TMEM163: variants seen among roughly 807,000 people sequenced by gnomAD.
TMEM163 encodes transmembrane protein 163.
TMEM163 carries 17 observed loss-of-function variants against 29.3 expected under a neutral mutation model. The ratio of observed to expected loss-of-function variants is 0.58; its 90% CI spans 0.40 to 0.87. The LOEUF is 0.87. Among genes scored for constraint, TMEM163 ranks in the 40% least tolerant of loss-of-function variants. TMEM163 has a pLI of 0.00. For synonymous variants in TMEM163, 157 were observed against 160.6 expected (o/e 0.98, Z 0.17); for missense variants, 303 against 381.5 (o/e 0.79, Z 1.71).
chr2:134,545,833 C>T (rs1680769862), intron 4 of TMEM163, among the ~76,000 whole-genome samples: 1 of 152,200 alleles, frequency 6.6e-6, no homozygotes, highest in African/African-American at 2.4e-5. Flanking sequence ...CCAACAATTA[C>T]TGACCTATCA....
chr2:134,713,182 G>A lies in TMEM163; in HGVS notation c.322+18C>T, dbSNP rs748177307. 9.3e-6 allele frequency: 15 copies of A among 1,610,334 alleles called. No individual in the cohort carries two copies. Among genetic ancestry groups the A allele is most frequent in the South Asian group, 4.4e-5 (4 of 90,336 alleles). ...GCAACAGCAGCACATATTGGCCGACGAGACCCTTGATACTCACTAAAGGCA... is the reference window on the plus strand; with the variant it reads ...GCAACAGCAGCACATATTGGCCGACAAGACCCTTGATACTCACTAAAGGCA... On this transcript the variant is annotated intron_variant, in intron 2 of 7. Transcript: ENST00000281924.
intron 2 of TMEM163, among the ~76,000 whole-genome samples, chr2:134,700,912 A>AAATG (rs1298831138): frequency 0.011 from 1,194 of 109,656 alleles, 21 homozygotes; most frequent in African/African-American, 0.041. Context: ...GAAAATACAT[A>AAATG]AATAAATAAA....
intron 2 of TMEM163, among the ~76,000 whole-genome samples, chr2:134,554,643 G>C (rs778303465): frequency 2.3e-4 from 35 of 152,104 alleles, no homozygotes; most frequent in Non-Finnish European, 5.0e-4. Flanking sequence ...ATTATATTGA[G>C]AAAGACAAGG....
chr2:134,668,461 C>T (rs1224166451), intron 2 of TMEM163, among the ~76,000 whole-genome samples: 1 of 152,108 alleles, frequency 6.6e-6, no homozygotes, highest in Non-Finnish European at 1.5e-5. Context: ...GAGAGCCAGT[C>T]CTCACTTTTA....
In TMEM163 at chr2:134,456,568, C is replaced by T. The variant is rs542549492; in HGVS notation, c.*148G>A. 7 of 912,648 alleles carry T rather than the reference C, an allele frequency of 7.7e-6. No homozygotes were observed. The highest frequency in any genetic ancestry group is 1.2e-5 in the Non-Finnish European group (7 of 587,788). 56.5% of individuals were successfully genotyped at this position (912,648 alleles called of 1,614,324 possible). On this transcript the variant is annotated 3_prime_UTR_variant, in exon 8 of 8. Transcript: ENST00000281924. ...GCAGGTGATGGGGGCAAGGTAGATCCACCTGGCTGGGCAGACCTTGTCTTG... is the reference window on the plus strand; with the variant it reads ...GCAGGTGATGGGGGCAAGGTAGATCTACCTGGCTGGGCAGACCTTGTCTTG...
At chr2:134,544,344 T>G (rs1680735508) in intron 4 of TMEM163, among the ~76,000 whole-genome samples, 1 of 152,216 alleles carries the variant, frequency 6.6e-6, no homozygotes, top group South Asian at 2.1e-4. Flanking sequence ...CAGTATCCAC[T>G]CTTCTCGTTT....
intron 2 of TMEM163, among the ~76,000 whole-genome samples, chr2:134,588,556 G>C (rs1020924787): frequency 2.0e-5 from 3 of 152,094 alleles, no homozygotes; most frequent in Non-Finnish European, 4.4e-5. Flanking sequence ...CATTAACCAA[G>C]GCACATGCTC....
At chr2:134,712,915 G>T (rs149474428) in intron 2 of TMEM163, among the ~76,000 whole-genome samples, 1 of 152,070 alleles carries the variant, frequency 6.6e-6, no homozygotes, top group South Asian at 2.1e-4. Context: ...CATCCACCAA[G>T]AGTATTTTCA....
intron 2 of TMEM163, among the ~76,000 whole-genome samples, chr2:134,683,383 C>T (rs1457743197): frequency 6.6e-6 from 1 of 150,514 alleles, no homozygotes; most frequent in Non-Finnish European, 1.5e-5. Context: ...CTTCCTCTCA[C>T]ATTTGCTGTG....
rs371768391 is a variant in TMEM163, at chr2:134,456,730, C to T, written c.856G>A (p.Glu286Lys). Residue 286 changes from glutamate to lysine, a missense_variant, in exon 8 of 8, where the codon GAG (glutamate) becomes AAG (lysine). Physicochemically the swap from Glu to Lys is moderately conservative, Grantham distance 56. Coordinates refer to ENST00000281924, the MANE Select transcript of TMEM163 (RefSeq NM_030923.5). ...GCTGGCCCCCTTCACTCAAACATCTCGTAGTGACGTGTCTGCCTCACCCTC... is the reference window on the plus strand; with the variant it reads ...GCTGGCCCCCTTCACTCAAACATCTTGTAGTGACGTGTCTGCCTCACCCTC... ...VPRVRQTRHYEMFE is the reference protein window; with the variant it reads ...VPRVRQTRHYKMFE 6.2e-6 allele frequency: 10 copies of T among 1,613,936 alleles called. No individual in the cohort carries two copies. In the African/African-American group the frequency reaches 1.1e-4, roughly 17 times the overall value.
intron 2 of TMEM163, among the ~76,000 whole-genome samples, chr2:134,705,298 T>A (rs1684785748): frequency 6.6e-6 from 1 of 150,986 alleles, no homozygotes; most frequent in Admixed American, 6.6e-5. Flanking sequence ...TTTAAAGAGG[T>A]AATTAAGTTC....
At chr2:134,672,472 G>A (rs1684015584) in intron 2 of TMEM163, among the ~76,000 whole-genome samples, 1 of 152,102 alleles carries the variant, frequency 6.6e-6, no homozygotes, top group African/African-American at 2.4e-5. Flanking sequence ...GCAGTAATAA[G>A]ATTCACTGAA....
chr2:134,659,943 A>G lies in TMEM163; in HGVS notation c.322+53257T>C, dbSNP rs75134401. On this transcript the variant is annotated intron_variant, in intron 2 of 7. Transcript: ENST00000281924. ...CAGAGCAAGACCCCATCTCTGAGGG[A>G]AAAAAAAAGGTCAACAAAGACAAGA... is the stretch of plus-strand genomic sequence containing the variant. 2.3e-3 allele frequency among the ~76,000 whole-genome samples: 346 copies of G among 151,486 alleles called. 9 individuals are homozygous for G. In the East Asian group the frequency reaches 0.055, roughly 24 times the overall value.
rs1684944865 is a variant in TMEM163 at position 134,712,371 on chromosome 2, C to G, written c.322+829G>C. On this transcript the variant is annotated intron_variant, in intron 2 of 7. Transcript: ENST00000281924. ...TTTTCTCCTAATCTGAGGGTTGTCACAGGAGACACCTTGTGTGATGCCTAT... is the reference window on the plus strand; with the variant it reads ...TTTTCTCCTAATCTGAGGGTTGTCAGAGGAGACACCTTGTGTGATGCCTAT... Among the ~76,000 whole-genome samples, 4 of 152,052 alleles carry G rather than the reference C, an allele frequency of 2.6e-5. No individual in the cohort carries two copies. The South Asian group carries it at 8.3e-4, about 32-fold the overall frequency.
intron 4 of TMEM163, among the ~76,000 whole-genome samples, chr2:134,529,233 A>T (rs1227862293): frequency 1.3e-5 from 2 of 152,154 alleles, no homozygotes; most frequent in Non-Finnish European, 2.9e-5. Context: ...CAGGAGGCTG[A>T]GACAGGAGGA....
intron 4 of TMEM163, among the ~76,000 whole-genome samples, chr2:134,531,214 C>T (rs765875890): frequency 6.6e-6 from 1 of 152,172 alleles, no homozygotes; most frequent in Non-Finnish European, 1.5e-5. Flanking sequence ...TGGACAGAGG[C>T]CGACGAAGGC....
chr2:134,521,372 G>A, intron 4 of TMEM163, among the ~76,000 whole-genome samples: 1 of 152,158 alleles, frequency 6.6e-6, no homozygotes, highest in Non-Finnish European at 1.5e-5. Context: ...GCACCCTAGA[G>A]AACAAGGGGT....
At chr2:134,458,271 T>TGGGA in intron 6 of TMEM163, 98 bp from the exon 7 acceptor site, 1 of 1,454,266 alleles carries the variant, frequency 6.9e-7, no homozygotes, top group Non-Finnish European at 9.4e-7. Context: ...GAGCATGTGC[T>TGGGA]GGGAGGAATG....
rs1466378661 is a variant in TMEM163 at position 134,610,825 on chromosome 2, G to A, written c.323-58734C>T. On this transcript the variant is annotated intron_variant, in intron 2 of 7. Transcript: ENST00000281924. ...CAGGGTGAAGAACACAGCACGAGGG[G>A]ACCCAGGGGAGAATGTGAGTGTGGG... is the stretch of plus-strand genomic sequence containing the variant. 2.6e-5 allele frequency among the ~76,000 whole-genome samples: 4 copies of A among 152,124 alleles called. No homozygotes were observed. The East Asian group carries it at 5.8e-4, about 22-fold the overall frequency.
Sources: allele counts gnomAD v4.1 joint callset (sites outside exome capture counted in the v4.1 genomes callset), GRCh38; gene constraint gnomAD v4.1.1; transcripts MANE v1.5; gene names NCBI Gene and HGNC (gene_info 2026-07-23, HGNC 2026-07-21).